PTPRM: variants seen among roughly 807,000 people sequenced by gnomAD.
PTPRM encodes receptor-type tyrosine-protein phosphatase mu.
PTPRM carries 47 observed loss-of-function variants against 186.7 expected under a neutral mutation model. The ratio of observed to expected loss-of-function variants is 0.25; its 90% CI spans 0.20 to 0.32. The LOEUF (loss-of-function observed/expected upper bound fraction) is 0.32. PTPRM is among the 10% of genes least tolerant of loss of function. The pLI is 1.00. For synonymous variants in PTPRM, 668 were observed against 674.9 expected, an observed-to-expected ratio of 0.99 and a Z score of 0.16; for missense variants, 1,494 against 1,865.0, an observed-to-expected ratio of 0.80 and a Z score of 3.66.
chr18:8,298,325 G>A (rs548852840), intron 20 of PTPRM, among the ~76,000 whole-genome samples: 1 of 152,328 alleles, frequency 6.6e-6, no homozygotes, highest in Admixed American at 6.5e-5. Context: ...TGGAAGTGAA[G>A]TGGGGAATCC....
At chr18:7,616,837 G>A (rs528406826) in intron 1 of PTPRM, among the ~76,000 whole-genome samples, 2 of 152,218 alleles carry the variant, frequency 1.3e-5, no homozygotes, top group Admixed American at 1.3e-4. Flanking sequence ...CACTCGCATG[G>A]CCAAGCTGAT....
At chr18:8,084,132 AC>A (rs2090304652) in intron 9 of PTPRM, among the ~76,000 whole-genome samples, 1 of 152,158 alleles carries the variant, frequency 6.6e-6, no homozygotes, top group South Asian at 2.1e-4. Context: ...CGGGGAAGGT[AC>A]GATTCCTAAA....
intron 23 of PTPRM, among the ~76,000 whole-genome samples, chr18:8,366,375 C>T (rs1451252933): frequency 6.6e-6 from 1 of 152,202 alleles, no homozygotes; most frequent in African/African-American, 2.4e-5. Flanking sequence ...TCAGGCCCCA[C>T]AAAGTCAGAC....
intron 2 of PTPRM, among the ~76,000 whole-genome samples, chr18:7,865,767 C>A (rs951571765): frequency 6.6e-6 from 1 of 152,078 alleles, no homozygotes; most frequent in African/African-American, 2.4e-5. Context: ...AATACCAGCT[C>A]CTTTTGGTAC....
intron 7 of PTPRM, among the ~76,000 whole-genome samples, chr18:8,039,569 T>C (rs936960807): frequency 1.3e-5 from 2 of 152,164 alleles, no homozygotes; most frequent in Admixed American, 6.5e-5. Context: ...TACATATGTA[T>C]GGTATAAAAC....
At chr18:8,345,547 G>A (rs889828689) in intron 23 of PTPRM, among the ~76,000 whole-genome samples, 6 of 151,724 alleles carry the variant, frequency 4.0e-5, no homozygotes, top group African/African-American at 9.7e-5. Context: ...TCTTAAACTC[G>A]AATTCTGGTT....
intron 19 of PTPRM, among the ~76,000 whole-genome samples, chr18:8,279,732 A>AGATTGTCT (rs1362242926): frequency 2.6e-5 from 4 of 152,158 alleles, no homozygotes; most frequent in African/African-American, 9.7e-5. Flanking sequence ...AGAGAAGCAG[A>AGATTGTCT]GATTGTCTGT....
chr18:8,125,976 C>CATAT lies in PTPRM; in HGVS notation c.2167+11198_2167+11201dup, dbSNP rs1178603481. On this transcript the variant is annotated intron_variant, in intron 13 of 32. Coordinates refer to ENST00000580170, the MANE Select transcript of PTPRM (RefSeq NM_001105244.2). ...GGAGAATGCTATATGTGTGTGTATA[C>CATAT]ATATATATATATATATATATATATA... is the stretch of plus-strand genomic sequence containing the variant. 2.2e-3 allele frequency among the ~76,000 whole-genome samples: 129 copies of CATAT among 59,512 alleles called. 1 individual carries two copies. The highest frequency in any genetic ancestry group is 2.5e-3 in the African/African-American group (45 of 17,924). The allele number at this position is 59,512 out of a possible 152,430, so 39.0% of individuals were successfully genotyped here.
chr18:7,740,242 C>G (rs1598472745), intron 1 of PTPRM, among the ~76,000 whole-genome samples: 1 of 152,056 alleles, frequency 6.6e-6, no homozygotes, highest in Admixed American at 6.6e-5. Flanking sequence ...GTAGTAGGTT[C>G]TATTGCAGAA....
chr18:7,993,464 C>T (rs1304620188), intron 7 of PTPRM, among the ~76,000 whole-genome samples: 1 of 151,932 alleles, frequency 6.6e-6, no homozygotes, highest in Non-Finnish European at 1.5e-5. Context: ...GAATTCTAAA[C>T]AATAGAAAGA....
chr18:8,369,500 G>A (rs1300568783), intron 23 of PTPRM, among the ~76,000 whole-genome samples: 2 of 152,208 alleles, frequency 1.3e-5, no homozygotes, highest in Admixed American at 6.5e-5. Context: ...CAAATGGTTG[G>A]GTTTGCGAGA....
At chr18:8,315,884 A>G (rs2095305559) in intron 21 of PTPRM, among the ~76,000 whole-genome samples, 1 of 152,166 alleles carries the variant, frequency 6.6e-6, no homozygotes, top group South Asian at 2.1e-4. Flanking sequence ...AGAATAGTTC[A>G]TCTCTCATTC....
rs533540697 is a variant in PTPRM at position 8,112,570 on chromosome 18, GT to G, written c.1857-915del. Among the ~76,000 whole-genome samples the G allele has an allele frequency of 4.6e-3, 703 of 152,306 alleles. 3 individuals are homozygous for G. The highest frequency in any genetic ancestry group is 8.1e-3 in the South Asian group (39 of 4,826). ...CTGGACTCAGTTCAGGGAAGCTGTTGTCAGGCTTTAGTTTTTCTCAGCATGA... is the reference window on the plus strand; with the variant it reads ...CTGGACTCAGTTCAGGGAAGCTGTTGCAGGCTTTAGTTTTTCTCAGCATGA... On this transcript the variant is annotated intron_variant, in intron 11 of 32. Coordinates refer to ENST00000580170, the MANE Select transcript of PTPRM (RefSeq NM_001105244.2).
chr18:7,721,046 T>C (rs2040436182), intron 1 of PTPRM, among the ~76,000 whole-genome samples: 2 of 152,136 alleles, frequency 1.3e-5, no homozygotes, highest in Non-Finnish European at 2.9e-5. Context: ...GGGACTTCCA[T>C]ACTCTTTACC....
rs767805849 is a variant in PTPRM at position 8,143,660 on chromosome 18, G to A, written c.2181G>A (p.Pro727=). 2.7e-5 allele frequency: 43 copies of A among 1,600,898 alleles called. No homozygotes were observed. Among genetic ancestry groups the A allele is most frequent in the South Asian group, 4.4e-5 (4 of 90,804 alleles). ...VQVATKGAAT[P]KPVPEPEKQT... is the part of the protein sequence containing the mutation. Reference sequence around the variant, plus strand: ...TTTCATCTTCAGGAGCTGCCACTCCGAAACCAGTCCCAGAACCCGAGAAAC... The same window carrying A: ...TTTCATCTTCAGGAGCTGCCACTCCAAAACCAGTCCCAGAACCCGAGAAAC... The change falls in exon 14 of 33, where the codon CCG becomes CCA. Residue 727 remains proline (P), a synonymous_variant. Coordinates refer to ENST00000580170, the MANE Select transcript of PTPRM (RefSeq NM_001105244.2).
chr18:7,827,100 A>T (rs2045525245), intron 2 of PTPRM, among the ~76,000 whole-genome samples: 2 of 152,144 alleles, frequency 1.3e-5, no homozygotes, highest in Admixed American at 1.3e-4. Context: ...GCCCTGTCAA[A>T]AACAAAAACA....
intron 14 of PTPRM, among the ~76,000 whole-genome samples, chr18:8,223,040 A>G (rs1860965): frequency 0.55 from 83,526 of 151,618 alleles, 23,591 homozygotes; most frequent in East Asian, 0.77. Flanking sequence ...CCTGGTCAAC[A>G]TTGCGAAACC....
rs889127336 is a variant in PTPRM at position 8,091,814 on chromosome 18, G to A, written c.1856+2963G>A. Reference sequence around the variant, plus strand: ...AAATAAGAACTCTGATTATGGAATCGTATGGACCTAAATATAAAGCCATAA... The same window carrying A: ...AAATAAGAACTCTGATTATGGAATCATATGGACCTAAATATAAAGCCATAA... On this transcript the variant is annotated intron_variant, in intron 11 of 32. Transcript: ENST00000580170. Among the ~76,000 whole-genome samples the A allele has an allele frequency of 4.0e-4, 61 of 152,206 alleles. No individual in the cohort carries two copies. The East Asian group carries it at 6.8e-3, about 17-fold the overall frequency.
intron 2 of PTPRM, among the ~76,000 whole-genome samples, chr18:7,824,732 T>C (rs1464333540): frequency 6.6e-6 from 1 of 152,188 alleles, no homozygotes; most frequent in East Asian, 1.9e-4. Flanking sequence ...GGTTAAAACA[T>C]GGTTTTCTTC....
Sources: gnomAD v4.1 joint callset for allele counts (sites outside exome capture counted in the v4.1 genomes callset) on GRCh38, gnomAD v4.1.1 for gene constraint, MANE v1.5 for transcripts, NCBI Gene and HGNC (gene_info 2026-07-23, HGNC 2026-07-21) for gene names.